The following C11orf65 variants were observed in gnomAD, a reference collection of about 807,000 sequenced individuals.
C11orf65 encodes the protein protein MFI.
Under a neutral mutation model 35.3 loss-of-function variants are expected in C11orf65, and 38 were observed. The observed-to-expected ratio is 1.08, with a 90% CI of 0.83 to 1.41. The LOEUF is 1.41. C11orf65 is among the 40% of genes most tolerant of loss of function. C11orf65 has a pLI of 0.00. For synonymous variants in C11orf65, 105 were observed against 114.4 expected (o/e 0.92, Z 0.53); for missense variants, 370 against 367.1 (o/e 1.01, Z -0.06).
rs559732421 is a variant in C11orf65 at position 108,449,613 on chromosome 11, T to TA, written c.81+11865dup. 2.6e-3 allele frequency among the ~76,000 whole-genome samples: 393 copies of TA among 152,058 alleles called. 10 individuals are homozygous for TA. Among genetic ancestry groups the TA allele is most frequent in the African/African-American group, 9.2e-3 (380 of 41,326 alleles). ...GAAAGCTGAAACTGGATCCCTTCCT[T>TA]ACACCTGATACAAAAATTAACTCAA... On this transcript the variant is annotated intron_variant, in intron 2 of 8. Coordinates refer to ENST00000393084, the MANE Select transcript of C11orf65 (RefSeq NM_152587.5).
chr11:108,449,599 C>A (rs1285890383), intron 2 of C11orf65, among the ~76,000 whole-genome samples: 2 of 151,922 alleles, frequency 1.3e-5, no homozygotes, highest in Non-Finnish European at 2.9e-5. Flanking sequence ...AAAGCTGAAA[C>A]TGGATCCCTT....
At chr11:108,315,803 T>G in intron 6 of C11orf65, 12 of 1,587,534 alleles carry the variant, frequency 7.6e-6, no homozygotes, top group Non-Finnish European at 1.0e-5. Flanking sequence ...CTTCAATTTT[T>G]GTTGTTTCCA....
At chr11:108,371,655 A>G (rs901796933) in intron 2 of C11orf65, among the ~76,000 whole-genome samples, 8 of 152,210 alleles carry the variant, frequency 5.3e-5, no homozygotes, top group African/African-American at 1.4e-4. Context: ...AGTGGATACT[A>G]GAGTTGTCTC....
intron 2 of C11orf65, among the ~76,000 whole-genome samples, chr11:108,450,149 A>C (rs952636393): frequency 4.6e-5 from 7 of 151,940 alleles, no homozygotes; most frequent in African/African-American, 7.3e-5. Context: ...GCTGGAGAGG[A>C]TGTGGAGAAA....
At chr11:108,402,770 T>C (rs2092461622) in intron 6 of C11orf65, among the ~76,000 whole-genome samples, 1 of 152,216 alleles carries the variant, frequency 6.6e-6, no homozygotes, top group African/African-American at 2.4e-5. Flanking sequence ...AGACAACTAC[T>C]GATCTGATTT....
intron 2 of C11orf65, among the ~76,000 whole-genome samples, chr11:108,443,063 T>C (rs887538066): frequency 6.6e-6 from 1 of 152,144 alleles, no homozygotes; most frequent in African/African-American, 2.4e-5. Context: ...TGTGCTGTAT[T>C]CAGGAGACCC....
At chr11:108,442,724 T>G (rs2093176890) in intron 2 of C11orf65, among the ~76,000 whole-genome samples, 1 of 152,170 alleles carries the variant, frequency 6.6e-6, no homozygotes, top group Admixed American at 6.5e-5. Context: ...CCAGCCAAAC[T>G]AAGCTTCATC....
chr11:108,357,951 CTT>C (rs1040287089), intron 2 of C11orf65, among the ~76,000 whole-genome samples: 2 of 150,434 alleles, frequency 1.3e-5, no homozygotes, highest in African/African-American at 2.4e-5. Context: ...TGGAGAATGA[CTT>C]TGACGAGCTG....
intron 6 of C11orf65, among the ~76,000 whole-genome samples, chr11:108,323,171 A>G (rs2085355185): frequency 1.3e-5 from 2 of 152,214 alleles, no homozygotes; most frequent in South Asian, 4.1e-4. Flanking sequence ...GAAGAAAATA[A>G]TAATAGTTTT....
rs786203401 is a variant in C11orf65, at chr11:108,325,322, T to C, written c.641-16251A>G. On this transcript the variant is annotated intron_variant, in intron 6 of 6. Transcript: ENST00000525729. ...TCGTGGCATTCAGATCAGTCACACATAGACAACTCTCTGAAGTATATATTA... is the reference window on the plus strand; with the variant it reads ...TCGTGGCATTCAGATCAGTCACACACAGACAACTCTCTGAAGTATATATTA... The C allele has an allele frequency of 2.6e-6, 4 of 1,551,264 alleles. No homozygotes were observed. The highest frequency in any genetic ancestry group is 1.1e-5 in the South Asian group (1 of 89,748).
chr11:108,321,546 G>C, intron 6 of C11orf65: 2 of 1,379,766 alleles, frequency 1.4e-6, no homozygotes, highest in Non-Finnish European at 1.0e-6. Flanking sequence ...ACTTTAGAAG[G>C]CTGAAGTGGG....
chr11:108,364,324 T>A lies in C11orf65; in HGVS notation c.226+28884A>T, dbSNP rs184154433. On this transcript the variant is annotated intron_variant, in intron 2 of 3. Coordinates refer to the C11orf65 transcript ENST00000524755. ...AGCATTTGCTAAAGCCTATTTTTTT[T>A]AAAGTTCTGTGTTTATAAATACCAG... Among the ~76,000 whole-genome samples, 18 of 152,344 alleles carry A rather than the reference T, an allele frequency of 1.2e-4. No individual in the cohort carries two copies. The East Asian group carries it at 1.4e-3, about 11-fold the overall frequency.
chr11:108,374,135 T>A (rs1160224915), intron 2 of C11orf65, among the ~76,000 whole-genome samples: 2 of 152,140 alleles, frequency 1.3e-5, no homozygotes, highest in African/African-American at 2.4e-5. Flanking sequence ...AGGAGAGCAG[T>A]GGTTCTCCCA....
At chr11:108,357,495 CACAG>C (rs2090138757) in intron 2 of C11orf65, among the ~76,000 whole-genome samples, 1 of 152,202 alleles carries the variant, frequency 6.6e-6, no homozygotes, top group African/African-American at 2.4e-5. Context: ...GGGGGCAGGG[CACAG>C]ACAAACAAAA....
At chr11:108,466,447 A>G (rs563333623) in intron 1 of C11orf65, among the ~76,000 whole-genome samples, 1 of 152,174 alleles carries the variant, frequency 6.6e-6, no homozygotes, top group Admixed American at 6.5e-5. Flanking sequence ...GGTGGCGCAC[A>G]CTTGCAGTCA....
In C11orf65 at chr11:108,325,369, TTC is replaced by T. The variant is rs768909644; in HGVS notation, c.641-16300_641-16299del. ...ATTAAGTGGCAGAAACACTCCCAGC[TTC>T]TCAAGGACAGTGATTTTAGTTTTCA... On this transcript the variant is annotated intron_variant, in intron 6 of 6. Coordinates refer to the C11orf65 transcript ENST00000525729. The T allele has an allele frequency of 6.2e-7, 1 of 1,613,644 alleles. No homozygotes were observed. The highest frequency in any genetic ancestry group is 8.5e-7 in the Non-Finnish European group (1 of 1,179,858).
intron 3 of C11orf65, among the ~76,000 whole-genome samples, chr11:108,418,854 A>G (rs1039993943): frequency 6.6e-6 from 1 of 152,180 alleles, no homozygotes; most frequent in Non-Finnish European, 1.5e-5. Flanking sequence ...GATCATAAAA[A>G]GTATTATGAA....
intron 2 of C11orf65, among the ~76,000 whole-genome samples, chr11:108,459,769 A>ACACACACC (rs981643793): frequency 2.9e-5 from 4 of 137,650 alleles, no homozygotes; most frequent in Admixed American, 1.5e-4. Flanking sequence ...ACACACACAC[A>ACACACACC]CCTCTTTATT....
In C11orf65 at chr11:108,335,038, G is replaced by A. The variant is rs1555127157; in HGVS notation, c.299+182C>T. ...ATTTAAAGCAGAATTTCGCTTAGCA[G>A]GAGGTGTAAATTTACCAAAAATAAT... On this transcript the variant is annotated intron_variant, in intron 3 of 3. Transcript: ENST00000524755. 1 of 1,614,122 alleles carries A rather than the reference G, an allele frequency of 6.2e-7. No homozygotes were observed. Among genetic ancestry groups the A allele is most frequent in the Non-Finnish European group, 8.5e-7 (1 of 1,179,984 alleles).
Sources: gnomAD v4.1 joint callset for allele counts (sites outside exome capture counted in the v4.1 genomes callset) on GRCh38, gnomAD v4.1.1 for gene constraint, MANE v1.5 for transcripts, NCBI Gene and HGNC (gene_info 2026-07-23, HGNC 2026-07-21) for gene names.